ENKUR: variants seen among roughly 807,000 people sequenced by gnomAD.
ENKUR encodes enkurin, TRPC channel interacting protein.
ENKUR carries 19 observed loss-of-function variants against 27.6 expected under a neutral mutation model. That is an observed-to-expected ratio of 0.69 (90% CI 0.48 to 1.01). The LOEUF (loss-of-function observed/expected upper bound fraction) is 1.01, where lower values mean the gene tolerates loss of function less well. Among genes scored for constraint, ENKUR ranks in the 50% least tolerant of loss-of-function variants. The pLI is 0.00. For missense variants in ENKUR, 312 were observed against 310.5 expected, an observed-to-expected ratio of 1.00 and a Z score of -0.04; for synonymous variants, 117 against 96.9, an observed-to-expected ratio of 1.21 and a Z score of -1.22.
intron 2 of ENKUR, among the ~76,000 whole-genome samples, chr10:25,034,493 A>C (rs1358087547): frequency 1.3e-5 from 2 of 152,198 alleles, no homozygotes; most frequent in African/African-American, 4.8e-5. Flanking sequence ...AAGATTATCT[A>C]TATTTGTTTT....
upstream of ENKUR, chr10:25,016,298 A>C (rs1850570294): frequency 2.2e-6 from 1 of 460,218 alleles, no homozygotes; most frequent in Admixed American, 6.0e-5. Context: ...CGTGCCTTTG[A>C]AAGTTAACGG....
rs185966701 is a variant in ENKUR, at chr10:25,024,910, T to G, written c.38-29041A>C. 3 of 1,613,782 alleles carry G rather than the reference T, an allele frequency of 1.9e-6. No homozygotes were observed. In the African/African-American group the frequency reaches 4.0e-5, roughly 22 times the overall value. ...AAAACTAGCACAAACCTTTTCACCG[T>G]CAATAGATATTCTCAAATCTTCAAA... On this transcript the variant is annotated intron_variant, in intron 2 of 5. Transcript: ENST00000615958.
chr10:25,023,051 A>AT lies in ENKUR; in HGVS notation c.38-27183dup, dbSNP rs1205006953. 3 of 556,938 alleles carry AT rather than the reference A, an allele frequency of 5.4e-6. No homozygotes were observed. In the Admixed American group the frequency reaches 1.1e-4, roughly 21 times the overall value. The allele number at this position is 556,938 out of a possible 1,614,324, so 34.5% of individuals were successfully genotyped here. A position where few individuals can be genotyped will look rare whatever the true frequency, so the allele number is the denominator to read the frequency against. On this transcript the variant is annotated intron_variant, in intron 2 of 5. Transcript: ENST00000615958. ...TTTTTTAATTCCATAAGTTTGGAAG[A>AT]TTTTTAAACAGTTTATGTACCATGG...
At chr10:25,021,284 G>A (rs560905368) in intron 2 of ENKUR, among the ~76,000 whole-genome samples, 1 of 152,178 alleles carries the variant, frequency 6.6e-6, no homozygotes, top group Admixed American at 6.5e-5. Flanking sequence ...GTATCTTTTT[G>A]TGGCAAGAGT....
intron 2 of ENKUR, among the ~76,000 whole-genome samples, chr10:25,033,831 CT>C (rs1422405483): frequency 2.5e-5 from 2 of 78,828 alleles, no homozygotes; most frequent in Non-Finnish European, 5.9e-5. Flanking sequence ...GTGTGTCTAT[CT>C]ATCTATCTAT....
intron 1 of ENKUR, among the ~76,000 whole-genome samples, chr10:25,002,535 A>G (rs1265761338): frequency 6.6e-6 from 1 of 152,106 alleles, no homozygotes. Flanking sequence ...TCTTTTATAG[A>G]TGACCACTCT....
intron 1 of ENKUR, 26 bp downstream of exon 1, chr10:25,015,834 G>C (rs1402838843): frequency 4.4e-6 from 7 of 1,577,292 alleles, no homozygotes; most frequent in Non-Finnish European, 5.2e-6. Context: ...CTTGTTTCAA[G>C]TGATAGTCTT....
intron 2 of ENKUR, among the ~76,000 whole-genome samples, chr10:25,054,493 CTTTCTTTCTTTCTTTCTTTCCTTT>C (rs1851226731): frequency 1.6e-5 from 2 of 123,552 alleles, no homozygotes; most frequent in Non-Finnish European, 3.5e-5. Flanking sequence ...TTCTTTCTTT[CTTTCTTTCTTTCTTTCTTTCCTTT>C]CTTTCTTTCT....
intron 2 of ENKUR, among the ~76,000 whole-genome samples, chr10:25,056,725 T>C (rs1436239623): frequency 6.6e-6 from 1 of 152,202 alleles, no homozygotes; most frequent in East Asian, 1.9e-4. Context: ...AATGTACTTT[T>C]AGGAAGTAAC....
intron 2 of ENKUR, among the ~76,000 whole-genome samples, chr10:25,038,182 T>C (rs1046378052): frequency 1.3e-5 from 2 of 152,214 alleles, no homozygotes; most frequent in African/African-American, 2.4e-5. Flanking sequence ...TAGGGTATCA[T>C]AGGAAATGAT....
chr10:25,008,248 C>G (rs1489645658), intron 1 of ENKUR, among the ~76,000 whole-genome samples: 1 of 151,938 alleles, frequency 6.6e-6, no homozygotes, highest in Non-Finnish European at 1.5e-5. Flanking sequence ...TCATGACAAA[C>G]AAAAAGAGAC....
At chr10:24,996,454 G>GTATATATATATATATA (rs774819339) in intron 2 of ENKUR, among the ~76,000 whole-genome samples, 3 of 149,396 alleles carry the variant, frequency 2.0e-5, no homozygotes, top group Non-Finnish European at 2.9e-5. Context: ...GTGTGTGTGT[G>GTATATATATATATATA]TGTATATATA....
At chr10:25,031,735 G>A (rs1850937184) in intron 2 of ENKUR, among the ~76,000 whole-genome samples, 1 of 122,058 alleles carries the variant, frequency 8.2e-6, no homozygotes, top group South Asian at 2.9e-4. Flanking sequence ...CACGTTTTTA[G>A]TTCTTTTTTT....
intron 3 of ENKUR, among the ~76,000 whole-genome samples, chr10:24,993,685 A>C (rs180769370): frequency 1.3e-5 from 2 of 152,370 alleles, no homozygotes; most frequent in East Asian, 3.9e-4. Flanking sequence ...TTTCATGAGC[A>C]CTGATTGCTT....
chr10:25,023,441 G>C (rs1231201404), intron 2 of ENKUR: 1 of 1,614,012 alleles, frequency 6.2e-7, no homozygotes, highest in East Asian at 2.2e-5. Context: ...ACAGTAGGCA[G>C]AATAATAGGT....
At chr10:25,051,802 A>C (rs1324603527) in intron 2 of ENKUR, among the ~76,000 whole-genome samples, 1 of 152,196 alleles carries the variant, frequency 6.6e-6, no homozygotes, top group African/African-American at 2.4e-5. Flanking sequence ...CCATGGAAGC[A>C]ATCAAGGCAG....
At chr10:25,059,201 C>T (rs1292884159) in intron 2 of ENKUR, among the ~76,000 whole-genome samples, 1 of 145,420 alleles carries the variant, frequency 6.9e-6, no homozygotes, top group African/African-American at 2.6e-5. Context: ...GGCGCAATCT[C>T]TGGTCACTGC....
At chr10:24,987,350 A>G (rs1849801711) in intron 4 of ENKUR, among the ~76,000 whole-genome samples, 1 of 151,944 alleles carries the variant, frequency 6.6e-6, no homozygotes. Flanking sequence ...TCCTTCATAA[A>G]TTCTCTTCAG....
intron 2 of ENKUR, among the ~76,000 whole-genome samples, chr10:25,043,893 CT>C (rs36019656): frequency 0.39 from 55,336 of 142,882 alleles, 10,638 homozygotes; most frequent in African/African-American, 0.49. Context: ...TTCAGATATT[CT>C]TTTTTTTTTT....
Sources: gnomAD v4.1 joint callset for allele counts (sites outside exome capture counted in the v4.1 genomes callset) on GRCh38, gnomAD v4.1.1 for gene constraint, MANE v1.5 for transcripts, NCBI Gene and HGNC (gene_info 2026-07-23, HGNC 2026-07-21) for gene names.